Variants in MTA1 observed in about 807,000 individuals in gnomAD.
The protein encoded by MTA1 is metastasis-associated protein MTA1.
Under a neutral mutation model 97.0 loss-of-function variants are expected in MTA1, and 15 were observed. The ratio of observed to expected loss-of-function variants is 0.15; its 90% CI spans 0.10 to 0.24. MTA1 has a LOEUF of 0.24. MTA1 is among the 10% of genes least tolerant of loss of function. The probability of loss-of-function intolerance (pLI) is 1.00; values close to 1 mark genes in which losing one functional copy is unlikely to be tolerated. For synonymous variants in MTA1, 435 were observed against 417.5 expected (o/e 1.04, Z -0.51); for missense variants, 709 against 1,015.1 (o/e 0.70, Z 4.10).
intron 10 of MTA1, among the ~76,000 whole-genome samples, chr14:105,462,976 G>A (rs2083417503): frequency 6.6e-6 from 1 of 152,216 alleles, no homozygotes; most frequent in African/African-American, 2.4e-5. Context: ...GCGTCACTGT[G>A]TTTTGGCATC....
chr14:105,452,038 C>T (rs587721757), intron 6 of MTA1, among the ~76,000 whole-genome samples: 65 of 152,254 alleles, frequency 4.3e-4, no homozygotes, highest in Non-Finnish European at 8.1e-4. Flanking sequence ...GTGATCATCC[C>T]GCCTCTGCCT....
In MTA1 at chr14:105,463,384, C is replaced by T. The variant is rs1220873306; in HGVS notation, c.1018-109C>T. 1.3e-5 allele frequency: 19 copies of T among 1,494,906 alleles called. No individual in the cohort carries two copies. The highest frequency in any genetic ancestry group is 2.8e-5 in the African/African-American group (2 of 72,536). 92.6% of individuals were successfully genotyped at this position (1,494,906 alleles called of 1,614,324 possible). A position where few individuals can be genotyped will look rare whatever the true frequency, so the allele number is the denominator to read the frequency against. On this transcript the variant is annotated intron_variant, in intron 11 of 20. Transcript: ENST00000331320. The surrounding 1 kb of genome is among the most constrained non-coding windows in gnomAD (Gnocchi z 5.9). The stretch of plus-strand genomic sequence containing the variant: ...AAGGAAGACTCCTGAGTCCCTGGCC[C>T]GGCTGTCCTCTCCGTGGTGCTCTCC...
In MTA1 at chr14:105,470,520, T is replaced by C; in HGVS notation, c.*305T>C. 2.9e-6 allele frequency: 1 copy of C among 344,304 alleles called. No homozygotes were observed. Among genetic ancestry groups the C allele is most frequent in the Non-Finnish European group, 5.2e-6 (1 of 192,548 alleles). 21.3% of individuals were successfully genotyped at this position (344,304 alleles called of 1,614,324 possible). ...CCGGAGGCCGGGCCCTAAGGTTTTG[T>C]TGTGTTCTGTTGAAGGTGCCATTTT... On this transcript the variant is annotated 3_prime_UTR_variant, in exon 21 of 21. Coordinates refer to ENST00000331320, the MANE Select transcript of MTA1 (RefSeq NM_004689.4).
chr14:105,438,240 G>A (rs1173327698), intron 1 of MTA1, among the ~76,000 whole-genome samples: 1 of 152,186 alleles, frequency 6.6e-6, no homozygotes, highest in African/African-American at 2.4e-5. Context: ...CTCTGGGGGT[G>A]TAGCATCCAG....
At chr14:105,458,473 A>G (rs1470681383) in intron 8 of MTA1, 101 bp downstream of exon 8, 13 of 1,059,782 alleles carry the variant, frequency 1.2e-5, no homozygotes, top group African/African-American at 1.6e-5. Context: ...CTTGGATCCC[A>G]TATCCCAACA....
intron 1 of MTA1, among the ~76,000 whole-genome samples, chr14:105,430,935 T>TAA (rs1555423208): frequency 6.6e-6 from 1 of 152,234 alleles, no homozygotes; most frequent in East Asian, 1.9e-4. Flanking sequence ...TGCTTTGAGC[T>TAA]ACCGTGGTGG....
At chr14:105,440,958 G>A (rs1192681371) in intron 2 of MTA1, among the ~76,000 whole-genome samples, 2 of 152,246 alleles carry the variant, frequency 1.3e-5, no homozygotes, top group African/African-American at 2.4e-5. Context: ...GGGCAAGGAA[G>A]GTGGGAGAGG....
intron 1 of MTA1, among the ~76,000 whole-genome samples, chr14:105,438,150 G>T (rs2082389275): frequency 6.6e-6 from 1 of 152,222 alleles, no homozygotes; most frequent in Non-Finnish European, 1.5e-5. Context: ...TGTGTTCTCT[G>T]TGTAGTCACT....
intron 6 of MTA1, among the ~76,000 whole-genome samples, chr14:105,451,420 G>A (rs1041498936): frequency 6.6e-6 from 1 of 152,256 alleles, no homozygotes; most frequent in African/African-American, 2.4e-5. Context: ...GCATGGGCAG[G>A]GCTCGAACCC....
Position 105,449,425 on chromosome 14 carries a change from C to T in MTA1, c.241+16C>T, listed in dbSNP as rs375446049. 52 of 1,609,628 alleles carry T rather than the reference C, an allele frequency of 3.2e-5. No individual in the cohort carries two copies. The highest frequency in any genetic ancestry group is 3.9e-5 in the Non-Finnish European group (46 of 1,178,556). On this transcript the variant is annotated intron_variant, in intron 4 of 20. Transcript: ENST00000331320. ...GGCGAGGAAGGTAAGAGCCGGCCTCCGCAAGGAGGGCGTCCTCCTGTCTGT... is the reference window on the plus strand; with the variant it reads ...GGCGAGGAAGGTAAGAGCCGGCCTCTGCAAGGAGGGCGTCCTCCTGTCTGT...
chr14:105,425,205 A>G (rs112859907), intron 1 of MTA1, among the ~76,000 whole-genome samples: 76 of 152,336 alleles, frequency 5.0e-4, no homozygotes, highest in Middle Eastern at 3.4e-3. Flanking sequence ...CTTCCCCAGG[A>G]GGAGCCCACC....
chr14:105,456,951 C>T (rs2083177087), intron 7 of MTA1, among the ~76,000 whole-genome samples: 2 of 152,192 alleles, frequency 1.3e-5, no homozygotes, highest in South Asian at 2.1e-4. Context: ...CCAGGATGTC[C>T]GGCCCTTGGG....
At chr14:105,437,640 C>A (rs964826377) in intron 1 of MTA1, among the ~76,000 whole-genome samples, 1 of 152,232 alleles carries the variant, frequency 6.6e-6, no homozygotes. Context: ...GGCTGGGCTT[C>A]TTTGGTGCTG....
intron 18 of MTA1, chr14:105,468,973 T>C (rs2083712377): frequency 3.0e-6 from 1 of 330,488 alleles, no homozygotes. Flanking sequence ...CCAGGGTGGC[T>C]GGGGCCCAGC....
chr14:105,468,418 T>C (rs1232033122), intron 18 of MTA1: 3 of 1,273,018 alleles, frequency 2.4e-6, no homozygotes, highest in Non-Finnish European at 3.1e-6. Flanking sequence ...TGCCCTGAGG[T>C]ATGGCTGTTC....
intron 1 of MTA1, among the ~76,000 whole-genome samples, chr14:105,425,889 C>G (rs1276293384): frequency 6.8e-6 from 1 of 147,870 alleles, no homozygotes; most frequent in African/African-American, 2.5e-5. Context: ...CTTCTATGGG[C>G]TTTGCACCAC....
rs111628172 is a variant in MTA1, at chr14:105,424,499, C to CT, written c.28+4446dup. ...TACAGGCGTGAGCCACTGCGTCTGG[C>CT]TTTTTTTTTTGTTTTTGAGACAGTC... On this transcript the variant is annotated intron_variant, in intron 1 of 20. Coordinates refer to ENST00000331320, the MANE Select transcript of MTA1 (RefSeq NM_004689.4). This position sits in a 1 kb window ranked among gnomAD's most constrained non-coding sequence, Gnocchi z 4.0. 0.023 allele frequency among the ~76,000 whole-genome samples: 3,429 copies of CT among 146,992 alleles called. 140 individuals are homozygous for CT. Among genetic ancestry groups the CT allele is most frequent in the African/African-American group, 0.08 (3,179 of 39,954 alleles).
chr14:105,447,259 G>A (rs2082748701), intron 3 of MTA1, among the ~76,000 whole-genome samples: 1 of 152,214 alleles, frequency 6.6e-6, no homozygotes, highest in Non-Finnish European at 1.5e-5. Flanking sequence ...CTGAGCGGCC[G>A]CAGTGTGGCC....
chr14:105,453,788 G>A (rs2083036283), intron 6 of MTA1, among the ~76,000 whole-genome samples: 1 of 152,220 alleles, frequency 6.6e-6, no homozygotes, highest in Admixed American at 6.5e-5. Flanking sequence ...TCCAACCTGG[G>A]CGACAAGAGC....
Sources: gnomAD v4.1 joint callset for allele counts (sites outside exome capture counted in the v4.1 genomes callset) on GRCh38, gnomAD v4.1.1 for gene constraint, Gnocchi (gnomAD v3.1) non-coding constraint, MANE v1.5 for transcripts, NCBI Gene and HGNC (gene_info 2026-07-23, HGNC 2026-07-21) for gene names.